DLG2: variants seen among roughly 807,000 people sequenced by gnomAD.
The protein encoded by DLG2 is discs large MAGUK scaffold protein 2.
A neutral mutation model predicts 132.5 loss-of-function variants in DLG2; 45 were observed. The observed-to-expected ratio is 0.34, with a 90% confidence interval of 0.27 to 0.44. DLG2 has a LOEUF of 0.44. Among genes scored for constraint, DLG2 ranks in the 20% least tolerant of loss-of-function variants. The pLI is 1.00. For synonymous variants in DLG2, 424 were observed against 419.6 expected, an observed-to-expected ratio of 1.01 and a Z score of -0.13; for missense variants, 1,045 against 1,196.9, an observed-to-expected ratio of 0.87 and a Z score of 1.87.
intron 19 of DLG2, among the ~76,000 whole-genome samples, chr11:83,611,481 A>G (rs968064224): frequency 5.9e-5 from 9 of 152,330 alleles, no homozygotes; most frequent in East Asian, 1.9e-4. Flanking sequence ...CCCTAGACAA[A>G]CTGACAAGCT....
At position 83,693,473 on chromosome 11, in the gene DLG2, C is replaced by T. The variant is rs191855755; in HGVS notation, c.1826-60148G>A. Among the ~76,000 whole-genome samples, 400 of 152,160 alleles carry T rather than the reference C, an allele frequency of 2.6e-3. 3 individuals carry two copies. The highest frequency in any genetic ancestry group is 7.2e-3 in the African/African-American group (300 of 41,510). On this transcript the variant is annotated intron_variant, in intron 18 of 27. Coordinates refer to ENST00000376104, the MANE Select transcript of DLG2 (RefSeq NM_001142699.3). ...CGTGCATAGCAGTAGGGTGTGGGAA[C>T]GGCGAAGGCAGCTCTGTGCCTGCTG...
intron 6 of DLG2, among the ~76,000 whole-genome samples, chr11:85,078,733 G>A (rs553370901): frequency 2.6e-5 from 4 of 152,126 alleles, no homozygotes; most frequent in African/African-American, 9.6e-5. Flanking sequence ...CAAAGAGGTA[G>A]GAATATTAAA....
At chr11:84,790,142 G>GT (rs1257576897) in intron 6 of DLG2, among the ~76,000 whole-genome samples, 3 of 151,900 alleles carry the variant, frequency 2.0e-5, no homozygotes, top group Non-Finnish European at 2.9e-5. Context: ...TCTATATTTA[G>GT]TTTTTTTTAG....
chr11:85,624,944 A>C (rs2081955314), intron 2 of DLG2, among the ~76,000 whole-genome samples: 1 of 152,194 alleles, frequency 6.6e-6, no homozygotes, highest in African/African-American at 2.4e-5. Flanking sequence ...AATTTCACCA[A>C]TGTATCAGCA....
At chr11:84,728,389 T>A (rs991958666) in intron 6 of DLG2, among the ~76,000 whole-genome samples, 7 of 152,176 alleles carry the variant, frequency 4.6e-5, no homozygotes, top group East Asian at 3.9e-4. Context: ...TGATGGATTA[T>A]GTTTATTGAA....
At chr11:85,077,737 G>T (rs536456725) in intron 6 of DLG2, among the ~76,000 whole-genome samples, 1 of 152,106 alleles carries the variant, frequency 6.6e-6, no homozygotes, top group South Asian at 2.1e-4. Context: ...TATGTTCAAA[G>T]AAAAAGAGAA....
intron 5 of DLG2, among the ~76,000 whole-genome samples, chr11:85,146,286 G>T (rs1261064863): frequency 1.4e-4 from 21 of 149,888 alleles, no homozygotes; most frequent in Admixed American, 1.4e-3. Context: ...GGAGTTGGGG[G>T]AGGGATGGCA....
intron 12 of DLG2, among the ~76,000 whole-genome samples, chr11:83,976,454 G>T (rs1035738378): frequency 6.6e-6 from 1 of 151,826 alleles, no homozygotes. Flanking sequence ...TGTGGGAGGA[G>T]AGTAGAAGAG....
chr11:84,661,226 G>C (rs756999532), intron 6 of DLG2, among the ~76,000 whole-genome samples: 1 of 152,108 alleles, frequency 6.6e-6, no homozygotes, highest in African/African-American at 2.4e-5. Flanking sequence ...TAACTGCATG[G>C]TCTAGAGATG....
At chr11:83,661,042 T>C (rs564277792) in intron 18 of DLG2, among the ~76,000 whole-genome samples, 1 of 152,300 alleles carries the variant, frequency 6.6e-6, no homozygotes, top group Non-Finnish European at 1.5e-5. Flanking sequence ...CATCATGTTC[T>C]TTGCATGATG....
chr11:83,703,597 C>T (rs917513529), intron 18 of DLG2, among the ~76,000 whole-genome samples: 10 of 152,002 alleles, frequency 6.6e-5, no homozygotes, highest in African/African-American at 1.7e-4. Flanking sequence ...TGCAGTGAGC[C>T]GAGATAGCAC....
In DLG2 at chr11:84,727,001, T is replaced by C. The variant is rs183029147; in HGVS notation, c.358-192270A>G. Reference sequence around the variant, plus strand: ...CTTGTAGATTCTGGATATTAGCCCTTTGTCAGATGGATAGATTGCAAAAAT... The same window carrying C: ...CTTGTAGATTCTGGATATTAGCCCTCTGTCAGATGGATAGATTGCAAAAAT... On this transcript the variant is annotated intron_variant, in intron 6 of 27. Transcript: ENST00000376104. 1.4e-3 allele frequency among the ~76,000 whole-genome samples: 217 copies of C among 152,312 alleles called. 1 individual carries two copies. The highest frequency in any genetic ancestry group is 5.0e-3 in the African/African-American group (208 of 41,576).
chr11:83,577,559 A>AATATATATATATATATATAT (rs1167372199), intron 19 of DLG2, among the ~76,000 whole-genome samples: 98 of 78,402 alleles, frequency 1.2e-3, no homozygotes, highest in African/African-American at 2.4e-3. Context: ...GAATTAATAG[A>AATATATATATATATATATAT]ATATATATAT....
intron 7 of DLG2, among the ~76,000 whole-genome samples, chr11:84,431,820 AT>A (rs1278654208): frequency 6.6e-6 from 1 of 152,194 alleles, no homozygotes; most frequent in African/African-American, 2.4e-5. Context: ...AAGAATAAAT[AT>A]TTTTCACTTT....
chr11:83,541,852 C>A lies in DLG2; in HGVS notation c.1947G>T (p.Met649Ile). The A allele has an allele frequency of 6.2e-7, 1 of 1,604,500 alleles. No homozygotes were observed. The highest frequency in any genetic ancestry group is 8.5e-7 in the Non-Finnish European group (1 of 1,174,964). Residue 649 changes from methionine to isoleucine, a missense_variant, in exon 20 of 28, where the codon ATG (methionine) becomes ATT (isoleucine). By Grantham distance (10) the Met-to-Ile change is conservative. Around this residue, in one of 4 missense-constraint regions of DLG2, gnomAD observed 398 missense variants for 543.6 expected, o/e 0.73. Coordinates refer to ENST00000376104, the MANE Select transcript of DLG2 (RefSeq NM_001142699.3). ...TGTCCTTGCTCTTGTCGTAGTCGAACATGGCTCTGGAGGAAAGGACAAAAG... is the reference window on the plus strand; with the variant it reads ...TGTCCTTGCTCTTGTCGTAGTCGAAAATGGCTCTGGAGGAAAGGACAAAAG... The part of the protein sequence containing the change: ...NQKRSLYVRA[M>I]FDYDKSKDSG...
chr11:84,524,092 T>G (rs1243160951), intron 7 of DLG2, among the ~76,000 whole-genome samples: 1 of 152,068 alleles, frequency 6.6e-6, no homozygotes, highest in Non-Finnish European at 1.5e-5. Flanking sequence ...CTAACTCTAA[T>G]GATAGCTGAG....
At chr11:84,515,432 A>G (rs1158167796) in intron 7 of DLG2, among the ~76,000 whole-genome samples, 3 of 151,838 alleles carry the variant, frequency 2.0e-5, no homozygotes, top group Non-Finnish European at 4.4e-5. Context: ...AAAGAAAGGA[A>G]GAATTACACA....
At chr11:84,563,310 A>T (rs1037717119) in intron 6 of DLG2, among the ~76,000 whole-genome samples, 10 of 152,216 alleles carry the variant, frequency 6.6e-5, no homozygotes, top group African/African-American at 2.2e-4. Flanking sequence ...TTTGCAAGGA[A>T]CACTATGCAT....
intron 3 of DLG2, among the ~76,000 whole-genome samples, chr11:85,487,481 A>T (rs2153100288): frequency 6.6e-6 from 1 of 151,890 alleles, no homozygotes; most frequent in Non-Finnish European, 1.5e-5. Context: ...GGTATTTCTA[A>T]AAAGAACCAA....
Sources: allele counts gnomAD v4.1 joint callset (sites outside exome capture counted in the v4.1 genomes callset), GRCh38; gene constraint gnomAD v4.1.1; regional missense constraint gnomAD v4.1.1; transcripts MANE v1.5; gene names NCBI Gene and HGNC (gene_info 2026-07-23, HGNC 2026-07-21).